DENND2C: variants seen among roughly 807,000 people sequenced by gnomAD.
DENND2C encodes the protein DENN domain containing 2C, also known as DENN domain-containing protein 2C.
DENND2C carries 72 observed loss-of-function variants against 112.4 expected under a neutral mutation model. The ratio of observed to expected loss-of-function variants is 0.64; its 90% CI spans 0.53 to 0.78. DENND2C has a LOEUF of 0.78. Ranked by LOEUF, DENND2C falls within the 30% of genes least tolerant of loss-of-function variation. DENND2C has a pLI of 0.00. For missense variants in DENND2C, 992 were observed against 1,113.8 expected, an observed-to-expected ratio of 0.89 and a Z score of 1.56; for synonymous variants, 329 against 381.6, an observed-to-expected ratio of 0.86 and a Z score of 1.61.
At position 114,600,804 on chromosome 1, in the gene DENND2C, A is replaced by G. The variant is rs1655478530; in HGVS notation, c.1956+16T>C. 6.2e-7 allele frequency: 1 copy of G among 1,604,932 alleles called. No individual in the cohort carries two copies. The highest frequency in any genetic ancestry group is 1.3e-5 in the African/African-American group (1 of 74,470). On this transcript the variant is annotated intron_variant, in intron 14 of 20. Transcript: ENST00000393274. Reference sequence around the variant, plus strand: ...TTTTTAGTGCTATCAAATCTTTTCAAAATGAGCTAACTTACCTCATCTCCA... The same window carrying G: ...TTTTTAGTGCTATCAAATCTTTTCAGAATGAGCTAACTTACCTCATCTCCA...
intron 7 of DENND2C, among the ~76,000 whole-genome samples, chr1:114,620,429 G>A (rs1243824821): frequency 2.0e-5 from 3 of 152,146 alleles, no homozygotes; most frequent in East Asian, 1.9e-4. Flanking sequence ...AAAACATTGA[G>A]GCAAGAAATC....
chr1:114,584,082 C>T lies in DENND2C; in HGVS notation c.*1518G>A, dbSNP rs983614738. 8 of 151,992 alleles carry T rather than the reference C, an allele frequency of 5.3e-5. No individual in the cohort carries two copies. The highest frequency in any genetic ancestry group is 1.7e-4 in the African/African-American group (7 of 41,390). The allele number at this position is 151,992 out of a possible 1,614,324, so 9.4% of individuals were successfully genotyped here. A position where few individuals can be genotyped will look rare whatever the true frequency, so the allele number is the denominator to read the frequency against. On this transcript the variant is annotated 3_prime_UTR_variant, in exon 21 of 21. Coordinates refer to ENST00000393274, the MANE Select transcript of DENND2C (RefSeq NM_001256404.2). ...CCTTATCCTCAGAGCTGAAAAGTGG[C>T]TCTGGTACACTTAATAGAAAATTTT... is the stretch of plus-strand genomic sequence containing the variant.
chr1:114,602,351 T>C (rs576955253), intron 11 of DENND2C, among the ~76,000 whole-genome samples, 157 bp from the exon 12 acceptor site: 2 of 152,246 alleles, frequency 1.3e-5, no homozygotes, highest in East Asian at 1.9e-4. Flanking sequence ...GAAAAAACAA[T>C]TGAAAACTAG....
Position 114,584,690 on chromosome 1 carries a change from AAAAT to A in DENND2C, c.*906_*909del, listed in dbSNP as rs1469788540. ...GTGCATGGCACATGGTGGACACTAA[AAAAT>A]AAAGGTGGCTCCCATGCCCTTGAAA... On this transcript the variant is annotated 3_prime_UTR_variant, in exon 21 of 21. Transcript: ENST00000393274. The A allele has an allele frequency of 6.6e-6, 1 of 152,202 alleles. No individual in the cohort carries two copies. The highest frequency in any genetic ancestry group is 2.4e-5 in the African/African-American group (1 of 41,444). The allele number at this position is 152,202 out of a possible 1,614,324, so 9.4% of individuals were successfully genotyped here.
At chr1:114,647,237 T>C (rs1657018065) in intron 2 of DENND2C, among the ~76,000 whole-genome samples, 1 of 152,010 alleles carries the variant, frequency 6.6e-6, no homozygotes, top group African/African-American at 2.4e-5. Flanking sequence ...AAAAGTTGTA[T>C]GAATATATAA....
chr1:114,600,180 T>C, intron 15 of DENND2C, 24 bp downstream of exon 15: 4 of 1,601,656 alleles, frequency 2.5e-6, no homozygotes, highest in Non-Finnish European at 3.4e-6. Flanking sequence ...CAGTGTGAAG[T>C]AACATATTTC....
Position 114,623,547 on chromosome 1 carries a change from A to T in DENND2C, c.903T>A (p.Tyr301Ter). ...AGATATTGTCCTCAGACTGTGTGTA[A>T]TAAAGTGCTGACCCAGAATTTCTTC... Reference protein sequence around the residue: ...ELGRNSGSALYYTQSEDNIYE... With the variant: ...ELGRNSGSAL Residue 301 changes from tyrosine to a stop codon, truncating the protein, a stop_gained, in exon 5 of 21, where the codon TAT (tyrosine) becomes TAA (stop). Coordinates refer to ENST00000393274, the MANE Select transcript of DENND2C (RefSeq NM_001256404.2). LOFTEE classifies it high-confidence loss of function. 6.2e-7 allele frequency: 1 copy of T among 1,611,158 alleles called. No individual in the cohort carries two copies. Among genetic ancestry groups the T allele is most frequent in the Non-Finnish European group, 8.5e-7 (1 of 1,178,732 alleles).
At chr1:114,596,802 TG>T (rs2101645017) in intron 16 of DENND2C, among the ~76,000 whole-genome samples, 1 of 152,274 alleles carries the variant, frequency 6.6e-6, no homozygotes, top group African/African-American at 2.4e-5. Context: ...AGCGGAGTAA[TG>T]GGGAACAGTC....
intron 1 of DENND2C, among the ~76,000 whole-genome samples, chr1:114,656,745 G>T (rs962194328): frequency 6.6e-6 from 1 of 151,146 alleles, no homozygotes; most frequent in Non-Finnish European, 1.5e-5. Context: ...CTTCTTTTGG[G>T]TATTATCTAG....
At chr1:114,607,888 G>C (rs974662357) in intron 10 of DENND2C, among the ~76,000 whole-genome samples, 13 of 152,170 alleles carry the variant, frequency 8.5e-5, no homozygotes, top group African/African-American at 2.9e-4. Context: ...CTATATGCCA[G>C]ACACTGTTCT....
At chr1:114,630,662 T>C (rs1656465408) in intron 3 of DENND2C, among the ~76,000 whole-genome samples, 2 of 152,170 alleles carry the variant, frequency 1.3e-5, no homozygotes, top group South Asian at 4.1e-4. Context: ...CAGGGCACAG[T>C]ATCAGAAAAG....
chr1:114,650,381 A>G (rs1014862051), intron 2 of DENND2C, among the ~76,000 whole-genome samples: 9 of 144,066 alleles, frequency 6.2e-5, no homozygotes, highest in Non-Finnish European at 1.2e-4. Context: ...ATTTCAGACT[A>G]TGGCTGGGTG....
At chr1:114,647,712 C>T (rs79851726) in intron 2 of DENND2C, among the ~76,000 whole-genome samples, 39 of 151,978 alleles carry the variant, frequency 2.6e-4, no homozygotes, top group South Asian at 6.2e-4. Flanking sequence ...TGAGCCACTA[C>T]GCCTGACCTG....
intron 1 of DENND2C, among the ~76,000 whole-genome samples, chr1:114,666,232 C>T (rs1426004395): frequency 6.6e-6 from 1 of 152,188 alleles, no homozygotes; most frequent in Non-Finnish European, 1.5e-5. Flanking sequence ...CCTCCCTTAT[C>T]TGGACTATTT....
chr1:114,628,401 A>G (rs1290100600), intron 3 of DENND2C, among the ~76,000 whole-genome samples: 1 of 151,992 alleles, frequency 6.6e-6, no homozygotes, highest in Non-Finnish European at 1.5e-5. Flanking sequence ...AATATAAATG[A>G]TGTGTACTGA....
At chr1:114,605,646 G>T (rs1655639574) in intron 10 of DENND2C, among the ~76,000 whole-genome samples, 1 of 152,166 alleles carries the variant, frequency 6.6e-6, no homozygotes, top group Non-Finnish European at 1.5e-5. Context: ...AGAAAAGTTA[G>T]CTGGGTGTGG....
At chr1:114,637,382 A>T (rs1050974502) in intron 3 of DENND2C, among the ~76,000 whole-genome samples, 3 of 151,888 alleles carry the variant, frequency 2.0e-5, no homozygotes, top group Non-Finnish European at 4.4e-5. Context: ...AAAAAAAAAA[A>T]AAAAAAGAAA....
intron 18 of DENND2C, among the ~76,000 whole-genome samples, chr1:114,592,269 T>C (rs1655215544): frequency 6.6e-6 from 1 of 152,184 alleles, no homozygotes; most frequent in Non-Finnish European, 1.5e-5. Flanking sequence ...CTTATGTATA[T>C]GCACTCTGTA....
chr1:114,599,782 G>C (rs1005722498), intron 15 of DENND2C, among the ~76,000 whole-genome samples: 2 of 152,056 alleles, frequency 1.3e-5, no homozygotes, highest in African/African-American at 2.4e-5. Flanking sequence ...ATAGCCTAAC[G>C]CAAGTGGCTT....
Sources: gnomAD v4.1 joint callset for allele counts (sites outside exome capture counted in the v4.1 genomes callset) on GRCh38, gnomAD v4.1.1 for gene constraint, MANE v1.5 for transcripts, NCBI Gene and HGNC (gene_info 2026-07-23, HGNC 2026-07-21) for gene names.